Variants in LDLRAD4 observed in about 807,000 individuals in gnomAD.
LDLRAD4 encodes the protein low-density lipoprotein receptor class A domain-containing protein 4.
Under a neutral mutation model 17.0 loss-of-function variants are expected in LDLRAD4, and 5 were observed. The ratio of observed to expected loss-of-function variants is 0.29; its 90% CI spans 0.15 to 0.62. The LOEUF (loss-of-function observed/expected upper bound fraction) is 0.62, where lower values mean the gene tolerates loss of function less well. Among genes scored for constraint, LDLRAD4 ranks in the 20% least tolerant of loss-of-function variants. The pLI is 0.84. For synonymous variants in LDLRAD4, 168 were observed against 171.8 expected (o/e 0.98, Z 0.17); for missense variants, 340 against 424.7 (o/e 0.80, Z 1.75).
chr18:13,256,950 G>A lies in LDLRAD4; in HGVS notation c.-466-21155G>A, dbSNP rs572885237. Reference sequence around the variant, plus strand: ...TTGCCCAAAGAACTCAGAACTGTCTGTTTTCTTTTCCTTAAACATTTCTCT... The same window carrying A: ...TTGCCCAAAGAACTCAGAACTGTCTATTTTCTTTTCCTTAAACATTTCTCT... On this transcript the variant is annotated intron_variant, in intron 1 of 5. Transcript: ENST00000399848. Among the ~76,000 whole-genome samples, 559 of 152,332 alleles carry A rather than the reference G, an allele frequency of 3.7e-3. 4 individuals are homozygous for A. Among genetic ancestry groups the A allele is most frequent in the African/African-American group, 0.013 (538 of 41,580 alleles).
chr18:13,465,186 C>G (rs942830363), intron 3 of LDLRAD4: 3 of 152,206 alleles, frequency 2.0e-5, no homozygotes, highest in African/African-American at 7.2e-5. Context: ...TAAAATCTGA[C>G]TTTATTTTCC....
chr18:13,459,219 T>C (rs1239250112), intron 3 of LDLRAD4, among the ~76,000 whole-genome samples: 3 of 137,524 alleles, frequency 2.2e-5, no homozygotes, highest in African/African-American at 8.2e-5. Flanking sequence ...ATGCTTGTGG[T>C]GCCAGCTACT....
At chr18:13,222,971 G>A (rs1215028541) in intron 1 of LDLRAD4, among the ~76,000 whole-genome samples, 2 of 152,370 alleles carry the variant, frequency 1.3e-5, no homozygotes, top group East Asian at 3.9e-4. Flanking sequence ...CGATAGATAA[G>A]GCTGTACTGG....
At chr18:13,363,209 G>A (rs995069949) in intron 1 of LDLRAD4, among the ~76,000 whole-genome samples, 23 of 152,072 alleles carry the variant, frequency 1.5e-4, no homozygotes, top group African/African-American at 5.3e-4. Flanking sequence ...GTGGGTGCCT[G>A]TAGTCCCAGC....
intron 3 of LDLRAD4, among the ~76,000 whole-genome samples, chr18:13,601,403 T>C (rs1191102664): frequency 1.3e-5 from 2 of 151,394 alleles, no homozygotes; most frequent in African/African-American, 2.4e-5. Context: ...ATAAGAGAAA[T>C]GCAAATCAAA....
rs372679020 is a variant in LDLRAD4 at position 13,636,482 on chromosome 18, GTTGTTT to G, written c.337-6851_337-6846del. 1.4e-3 allele frequency among the ~76,000 whole-genome samples: 213 copies of G among 151,454 alleles called. 1 individual carries two copies. The highest frequency in any genetic ancestry group is 4.3e-3 in the African/African-American group (179 of 41,328). The stretch of plus-strand genomic sequence containing the variant: ...TTTTCACAAAGTTGAATGTTATAAA[GTTGTTT>G]TTGTTTTTGTTTTTGTTTTTGTTTT... On this transcript the variant is annotated intron_variant, in intron 4 of 5. Transcript: ENST00000359446.
At chr18:13,361,111 C>G (rs760057839) in intron 1 of LDLRAD4, among the ~76,000 whole-genome samples, 15 of 152,170 alleles carry the variant, frequency 9.9e-5, no homozygotes, top group Non-Finnish European at 2.1e-4. Flanking sequence ...TCAGGAAGAC[C>G]GTCAGCAGGG....
intron 3 of LDLRAD4, among the ~76,000 whole-genome samples, chr18:13,545,621 G>A (rs769115658): frequency 6.6e-5 from 10 of 152,164 alleles, no homozygotes; most frequent in Non-Finnish European, 1.5e-4. Context: ...TCTTCTAGCA[G>A]CCGGCCATGA....
intron 4 of LDLRAD4, among the ~76,000 whole-genome samples, chr18:13,624,625 G>A (rs1417037318): frequency 6.6e-6 from 1 of 152,232 alleles, no homozygotes; most frequent in African/African-American, 2.4e-5. Context: ...GAGGACCTGT[G>A]TCTCCTCCGT....
intron 3 of LDLRAD4, among the ~76,000 whole-genome samples, chr18:13,556,995 T>C (rs2094490572): frequency 6.6e-6 from 1 of 152,054 alleles, no homozygotes; most frequent in Non-Finnish European, 1.5e-5. Flanking sequence ...TCATCTGGCT[T>C]AAGGAGATAA....
At chr18:13,374,204 C>T (rs1271533618) in intron 1 of LDLRAD4, among the ~76,000 whole-genome samples, 2 of 152,234 alleles carry the variant, frequency 1.3e-5, no homozygotes, top group Non-Finnish European at 2.9e-5. Flanking sequence ...GAGGATGCTG[C>T]AGAGGCCAGA....
At chr18:13,610,312 G>T (rs2039423732) in intron 3 of LDLRAD4, among the ~76,000 whole-genome samples, 2 of 55,832 alleles carry the variant, frequency 3.6e-5, no homozygotes, top group Non-Finnish European at 7.9e-5. Flanking sequence ...TTTTGAGACG[G>T]AGTCTCACTC....
chr18:13,423,569 C>G (rs2089672833), intron 2 of LDLRAD4: 1 of 152,484 alleles, frequency 6.6e-6, no homozygotes, highest in Admixed American at 6.5e-5. Flanking sequence ...TCTTCCAGTA[C>G]CGTACCTGGG....
At chr18:13,460,596 A>G (rs1313506665) in intron 3 of LDLRAD4, among the ~76,000 whole-genome samples, 3 of 152,232 alleles carry the variant, frequency 2.0e-5, no homozygotes, top group Non-Finnish European at 4.4e-5. Flanking sequence ...AGTAAAGAAA[A>G]AGAAAATTCT....
In LDLRAD4 at chr18:13,573,670, A is replaced by G. The variant is rs563626537; in HGVS notation, c.182-47447A>G. ...TAGGCTGACAAAACACACACCTTGCATAAGCCAACAAGCATTGGACTAGAA... is the reference window on the plus strand; with the variant it reads ...TAGGCTGACAAAACACACACCTTGCGTAAGCCAACAAGCATTGGACTAGAA... On this transcript the variant is annotated intron_variant, in intron 3 of 5. Transcript: ENST00000359446. Among the ~76,000 whole-genome samples the G allele has an allele frequency of 5.9e-5, 9 of 152,362 alleles. No individual in the cohort carries two copies. In the South Asian group the frequency reaches 1.9e-3, roughly 32 times the overall value.
At chr18:13,297,724 C>G (rs1484066650) in intron 1 of LDLRAD4, among the ~76,000 whole-genome samples, 1 of 152,214 alleles carries the variant, frequency 6.6e-6, no homozygotes, top group Non-Finnish European at 1.5e-5. Flanking sequence ...CACTTCAGCC[C>G]AGGAGGTTGA....
At chr18:13,651,795 A>C (rs912933797) in exon 6 of LDLRAD4, 1 of 152,212 alleles carries the variant, frequency 6.6e-6, no homozygotes, top group East Asian at 1.9e-4. Context: ...GAGTCTAATA[A>C]ATTCCAAAGT....
intron 2 of LDLRAD4, among the ~76,000 whole-genome samples, chr18:13,401,434 T>C (rs1273590598): frequency 6.6e-6 from 1 of 151,916 alleles, no homozygotes; most frequent in African/African-American, 2.4e-5. Flanking sequence ...AAGGGCTTTA[T>C]ATTTAGGGTT....
chr18:13,635,931 C>CTGTGTGTGTGTGTGTG (rs60695092), intron 4 of LDLRAD4, among the ~76,000 whole-genome samples: 5 of 147,342 alleles, frequency 3.4e-5, no homozygotes, highest in African/African-American at 1.3e-4. Flanking sequence ...GACAGCTATG[C>CTGTGTGTGTGTGTGTG]TGTGTGTGTG....
Sources: allele counts gnomAD v4.1 joint callset (sites outside exome capture counted in the v4.1 genomes callset), GRCh38; gene constraint gnomAD v4.1.1; transcripts MANE v1.5; gene names NCBI Gene and HGNC (gene_info 2026-07-23, HGNC 2026-07-21).